The following RGL1 variants were observed in gnomAD, a reference collection of about 807,000 sequenced individuals.
The protein encoded by RGL1 is ral guanine nucleotide dissociation stimulator like 1.
RGL1 carries 24 observed loss-of-function variants against 95.2 expected under a neutral mutation model. The ratio of observed to expected loss-of-function variants is 0.25; its 90% CI spans 0.18 to 0.35. The LOEUF (loss-of-function observed/expected upper bound fraction) is 0.35, where lower values mean the gene tolerates loss of function less well. Ranked by LOEUF, RGL1 falls within the 10% of genes least tolerant of loss-of-function variation. The probability of loss-of-function intolerance (pLI) is 1.00; values close to 1 mark genes in which losing one functional copy is unlikely to be tolerated. For missense variants in RGL1, 715 were observed against 936.3 expected, an observed-to-expected ratio of 0.76 and a Z score of 3.08; for synonymous variants, 329 against 344.9, an observed-to-expected ratio of 0.95 and a Z score of 0.51.
intron 1 of RGL1, among the ~76,000 whole-genome samples, chr1:183,711,442 C>T (rs956937669): frequency 6.6e-6 from 1 of 152,158 alleles, no homozygotes; most frequent in Non-Finnish European, 1.5e-5. Context: ...CCCACCACTG[C>T]ACTTAATGAG....
chr1:183,727,150 G>A lies in RGL1; in HGVS notation c.-32-14976G>A, dbSNP rs949517113. On this transcript the variant is annotated intron_variant, in intron 1 of 18. Coordinates refer to the RGL1 transcript ENST00000304685. Reference sequence around the variant, plus strand: ...ACTGAAAATGAAATATATAAAAAACGTAATACATGATAATCAAATAATGTT... The same window carrying A: ...ACTGAAAATGAAATATATAAAAAACATAATACATGATAATCAAATAATGTT... Among the ~76,000 whole-genome samples the A allele has an allele frequency of 1.1e-4, 17 of 151,990 alleles. No individual in the cohort carries two copies. In the South Asian group the frequency reaches 1.2e-3, roughly 11 times the overall value.
At chr1:183,916,329 G>T in intron 15 of RGL1, 118 bp from the exon 16 acceptor site, 1 of 1,221,200 alleles carries the variant, frequency 8.2e-7, no homozygotes, top group Non-Finnish European at 1.2e-6. Flanking sequence ...GCTGTGGGCT[G>T]TTGTGGAGGA....
intron 1 of RGL1, chr1:183,648,571 G>A (rs370657788): frequency 8.3e-5 from 134 of 1,614,038 alleles, no homozygotes; most frequent in Non-Finnish European, 1.0e-4. Flanking sequence ...GAAGTTTTTA[G>A]TTCATAAAAT....
intron 1 of RGL1, among the ~76,000 whole-genome samples, chr1:183,664,423 A>G (rs1407755598): frequency 2.0e-5 from 3 of 152,216 alleles, no homozygotes; most frequent in East Asian, 1.9e-4. Context: ...TACATGCATC[A>G]TATCTGTACT....
intron 2 of RGL1, among the ~76,000 whole-genome samples, chr1:183,789,606 G>A (rs558987970): frequency 3.3e-5 from 5 of 152,246 alleles, no homozygotes; most frequent in African/African-American, 9.6e-5. Flanking sequence ...GAGTATATCA[G>A]AGTAAGTCTT....
chr1:183,852,706 G>A (rs1664897337), intron 3 of RGL1, among the ~76,000 whole-genome samples: 1 of 152,092 alleles, frequency 6.6e-6, no homozygotes, highest in Middle Eastern at 3.2e-3. Context: ...CTAGCTACTC[G>A]GGAGGCTGAG....
intron 1 of RGL1, among the ~76,000 whole-genome samples, chr1:183,690,222 C>T (rs1187456410): frequency 1.3e-5 from 2 of 152,056 alleles, no homozygotes. Flanking sequence ...CTTTCTACAC[C>T]TATGGATGGA....
chr1:183,815,442 T>G (rs548832478), intron 2 of RGL1, among the ~76,000 whole-genome samples: 2 of 152,252 alleles, frequency 1.3e-5, no homozygotes, highest in East Asian at 3.9e-4. Flanking sequence ...CATGACACAA[T>G]AAACATGTCT....
intron 2 of RGL1, among the ~76,000 whole-genome samples, chr1:183,750,089 A>G (rs1657898470): frequency 6.6e-6 from 1 of 152,056 alleles, no homozygotes; most frequent in African/African-American, 2.4e-5. Context: ...GCATTTCCTG[A>G]ATTTGAATGT....
At chr1:183,693,909 G>A (rs915704922) in intron 1 of RGL1, among the ~76,000 whole-genome samples, 1 of 152,130 alleles carries the variant, frequency 6.6e-6, no homozygotes, top group African/African-American at 2.4e-5. Context: ...AGTCTTCTTT[G>A]GATTGGACTT....
upstream of RGL1, among the ~76,000 whole-genome samples, chr1:183,804,504 A>G (rs1375850157): frequency 1.3e-5 from 2 of 152,148 alleles, no homozygotes; most frequent in Non-Finnish European, 2.9e-5. Context: ...CATGGTGGCT[A>G]CTCACAAAGA....
At chr1:183,891,440 C>T (rs1667409347) in intron 8 of RGL1, among the ~76,000 whole-genome samples, 1 of 152,136 alleles carries the variant, frequency 6.6e-6, no homozygotes, top group Admixed American at 6.6e-5. Flanking sequence ...GAGGTGAGAA[C>T]ATTGAAGCTC....
intron 1 of RGL1, among the ~76,000 whole-genome samples, chr1:183,805,995 T>TAAAA: frequency 1.1e-5 from 1 of 89,526 alleles, no homozygotes; most frequent in African/African-American, 5.4e-5. Context: ...TTTTTTTTTT[T>TAAAA]TTTTTTTTTT....
chr1:183,793,159 G>C (rs553519656), intron 2 of RGL1, among the ~76,000 whole-genome samples: 7 of 152,080 alleles, frequency 4.6e-5, no homozygotes, highest in Non-Finnish European at 1.0e-4. Flanking sequence ...ACTGGCTTTT[G>C]ACAAAAGCAC....
At chr1:183,805,465 C>G (rs1336087709) in intron 1 of RGL1, 141 bp downstream of exon 1, 1 of 748,778 alleles carries the variant, frequency 1.3e-6, no homozygotes, top group African/African-American at 1.7e-5. Flanking sequence ...TCTCACTCCG[C>G]TTTGTATTCC....
intron 1 of RGL1, among the ~76,000 whole-genome samples, chr1:183,649,978 A>AT (rs1209761964): frequency 2.6e-5 from 4 of 151,656 alleles, no homozygotes; most frequent in African/African-American, 9.7e-5. Context: ...TGCCCAGATA[A>AT]TTTTTTTATT....
chr1:183,743,394 C>T (rs866583568), intron 2 of RGL1, among the ~76,000 whole-genome samples: 31 of 143,388 alleles, frequency 2.2e-4, no homozygotes, highest in Non-Finnish European at 3.8e-4. Context: ...AGCATAGAAA[C>T]GTAATAGGGA....
At chr1:183,830,004 AGT>A (rs1663151173) in intron 2 of RGL1, among the ~76,000 whole-genome samples, 1 of 152,028 alleles carries the variant, frequency 6.6e-6, no homozygotes. Context: ...GAGGATAGGG[AGT>A]GTGTCTGTGT....
At chr1:183,852,216 A>G (rs948042027) in intron 3 of RGL1, among the ~76,000 whole-genome samples, 4 of 151,902 alleles carry the variant, frequency 2.6e-5, no homozygotes, top group African/African-American at 9.7e-5. Flanking sequence ...ATATGGAACT[A>G]TTTGCTTTCT....
Sources: gnomAD v4.1 joint callset for allele counts (sites outside exome capture counted in the v4.1 genomes callset) on GRCh38, gnomAD v4.1.1 for gene constraint, MANE v1.5 for transcripts, NCBI Gene and HGNC (gene_info 2026-07-23, HGNC 2026-07-21) for gene names.